TCF12: variants seen among roughly 807,000 people sequenced by gnomAD.
TCF12 encodes DNA-binding protein HTF4.
In TCF12, 45 loss-of-function variants were observed where a neutral mutation model predicts 86.0. That is an observed-to-expected ratio of 0.52 (90% confidence interval 0.41 to 0.67). The LOEUF (loss-of-function observed/expected upper bound fraction) is 0.67, where lower values mean the gene tolerates loss of function less well. Ranked by LOEUF, TCF12 falls within the 30% of genes least tolerant of loss-of-function variation. The probability of loss-of-function intolerance (pLI) is 0.00; values close to 1 mark genes in which losing one functional copy is unlikely to be tolerated. For missense variants in TCF12, 881 were observed against 859.9 expected (o/e 1.02, Z -0.31); for synonymous variants, 330 against 299.6 (o/e 1.10, Z -1.05).
intron 5 of TCF12, among the ~76,000 whole-genome samples, chr15:57,140,531 T>C (rs577809134): frequency 6.6e-6 from 1 of 152,312 alleles, no homozygotes; most frequent in Admixed American, 6.5e-5. Context: ...GGAAACAAGT[T>C]TGATAAGGTT....
At chr15:56,954,587 A>G (rs1282279984) in intron 3 of TCF12, among the ~76,000 whole-genome samples, 1 of 152,244 alleles carries the variant, frequency 6.6e-6, no homozygotes, top group African/African-American at 2.4e-5. Context: ...TAATTAAACT[A>G]AAGAGCTTCT....
chr15:57,265,893 T>C (rs1456147144), intron 18 of TCF12, among the ~76,000 whole-genome samples: 3 of 152,160 alleles, frequency 2.0e-5, no homozygotes, highest in Non-Finnish European at 4.4e-5. Flanking sequence ...TACATTACTA[T>C]ATAATAGACA....
chr15:57,107,874 C>T (rs2050239841), intron 5 of TCF12, among the ~76,000 whole-genome samples: 1 of 152,118 alleles, frequency 6.6e-6, no homozygotes, highest in East Asian at 1.9e-4. Context: ...TGCCATTGCA[C>T]TCGTGCCTGG....
chr15:57,050,298 C>G (rs1158436472), intron 3 of TCF12, among the ~76,000 whole-genome samples: 1 of 151,868 alleles, frequency 6.6e-6, no homozygotes, highest in Admixed American at 6.6e-5. Context: ...TATTATTTTC[C>G]TTCAGCCTAA....
At chr15:57,283,975 C>A (rs1181492242) in intron 20 of TCF12, among the ~76,000 whole-genome samples, 1 of 152,090 alleles carries the variant, frequency 6.6e-6, no homozygotes, top group Non-Finnish European at 1.5e-5. Context: ...AACATTAGCA[C>A]ACTGGAGAAA....
chr15:57,237,900 T>C (rs1396203129), intron 12 of TCF12, among the ~76,000 whole-genome samples: 2 of 152,230 alleles, frequency 1.3e-5, no homozygotes, highest in Non-Finnish European at 2.9e-5. Context: ...GGCTGTGTTA[T>C]CATGCTTTTC....
intron 5 of TCF12, among the ~76,000 whole-genome samples, chr15:57,155,081 A>T (rs2054022368): frequency 6.6e-6 from 1 of 152,208 alleles, no homozygotes; most frequent in African/African-American, 2.4e-5. Context: ...AATAAGCAAC[A>T]AAGTGGGAAT....
At chr15:57,023,955 T>C (rs1289908706) in intron 3 of TCF12, among the ~76,000 whole-genome samples, 1 of 152,148 alleles carries the variant, frequency 6.6e-6, no homozygotes, top group Non-Finnish European at 1.5e-5. Flanking sequence ...AGGGTTCATG[T>C]GCCTATGAAA....
At chr15:57,151,126 C>T (rs1445396114) in intron 5 of TCF12, among the ~76,000 whole-genome samples, 1 of 151,006 alleles carries the variant, frequency 6.6e-6, no homozygotes, top group Admixed American at 6.6e-5. Context: ...TGCAAGGATG[C>T]ACCATGCCTG....
intron 3 of TCF12, among the ~76,000 whole-genome samples, chr15:56,954,911 G>C (rs1357056406): frequency 1.3e-5 from 2 of 152,188 alleles, no homozygotes; most frequent in African/African-American, 4.8e-5. Context: ...ACAGGTGCTG[G>C]AGAGGATGTG....
chr15:57,110,190 G>T (rs1473925937), intron 5 of TCF12, among the ~76,000 whole-genome samples: 1 of 152,074 alleles, frequency 6.6e-6, no homozygotes, highest in Non-Finnish European at 1.5e-5. Flanking sequence ...GGTTCTAAGG[G>T]TCAATAAAAT....
chr15:57,271,017 G>A (rs543333795), intron 18 of TCF12, among the ~76,000 whole-genome samples: 65 of 152,296 alleles, frequency 4.3e-4, no homozygotes, highest in African/African-American at 1.4e-3. Context: ...CAGGCTACAC[G>A]GGGGTCAGGG....
At chr15:57,134,262 TAATC>T (rs1440719403) in intron 5 of TCF12, 4 of 152,258 alleles carry the variant, frequency 2.6e-5, no homozygotes, top group Non-Finnish European at 5.9e-5. Context: ...TAGAATGTAA[TAATC>T]AATGACATTT....
chr15:56,922,083 T>A (rs2059819672), intron 3 of TCF12, among the ~76,000 whole-genome samples: 1 of 151,932 alleles, frequency 6.6e-6, no homozygotes, highest in African/African-American at 2.4e-5. Context: ...AACTCTTCTC[T>A]CACCTCCTTC....
At chr15:56,970,089 G>A (rs544560996) in intron 3 of TCF12, among the ~76,000 whole-genome samples, 6 of 152,290 alleles carry the variant, frequency 3.9e-5, no homozygotes, top group Non-Finnish European at 7.4e-5. Context: ...TAGAACTAAG[G>A]TATAGACCTA....
chr15:57,243,587 C>G (rs1165212554), intron 13 of TCF12, 37 bp downstream of exon 13: 2 of 1,494,948 alleles, frequency 1.3e-6, no homozygotes. Context: ...ACTGGTGGGA[C>G]TACTTGGAAA....
chr15:57,007,043 G>T (rs1266281561), intron 3 of TCF12, among the ~76,000 whole-genome samples: 1 of 152,162 alleles, frequency 6.6e-6, no homozygotes, highest in Non-Finnish European at 1.5e-5. Context: ...CTTCGTAATT[G>T]TGTCATTTGT....
At chr15:57,268,616 T>G (rs1326690803) in intron 18 of TCF12, among the ~76,000 whole-genome samples, 1 of 152,170 alleles carries the variant, frequency 6.6e-6, no homozygotes, top group Non-Finnish European at 1.5e-5. Context: ...TGTCTAATAT[T>G]TTTGTACATT....
At chr15:56,924,107 T>C (rs1458501248) in intron 3 of TCF12, among the ~76,000 whole-genome samples, 1 of 152,120 alleles carries the variant, frequency 6.6e-6, no homozygotes, top group African/African-American at 2.4e-5. Flanking sequence ...TCTCATTAAA[T>C]TACTCTTCAG....
Sources: gnomAD v4.1 joint callset for allele counts (sites outside exome capture counted in the v4.1 genomes callset) on GRCh38, gnomAD v4.1.1 for gene constraint, MANE v1.5 for transcripts, NCBI Gene and HGNC (gene_info 2026-07-23, HGNC 2026-07-21) for gene names.